Variants in PLCH2 observed in about 807,000 individuals in gnomAD.
PLCH2 encodes the protein phospholipase C eta 2.
In PLCH2, 98 loss-of-function variants were observed where a neutral mutation model predicts 134.7. The observed-to-expected ratio is 0.73, with a 90% confidence interval of 0.62 to 0.86. The LOEUF is 0.86. Ranked by LOEUF, PLCH2 falls within the 40% of genes least tolerant of loss-of-function variation. PLCH2 has a pLI of 0.00. For missense variants in PLCH2, 1,994 were observed against 1,986.6 expected, an observed-to-expected ratio of 1.00 and a Z score of -0.07; for synonymous variants, 974 against 827.5, an observed-to-expected ratio of 1.18 and a Z score of -3.04.
chr1:2,467,442 GC>G (rs1641110857), upstream of PLCH2: 1 of 389,842 alleles, frequency 2.6e-6, no homozygotes, highest in African/African-American at 2.1e-5. Context: ...CCTTCCCCTC[GC>G]CTTCCTCACC....
In PLCH2 at chr1:2,439,874, G is replaced by T. The variant is rs1214827389; in HGVS notation, c.115+9245G>T. ...GCAGCGGGCACGCGGCTCCCTGCCTGCAGGGACCTCATGATCTTAATGTGA... is the reference window on the plus strand; with the variant it reads ...GCAGCGGGCACGCGGCTCCCTGCCTTCAGGGACCTCATGATCTTAATGTGA... On this transcript the variant is annotated intron_variant, in intron 2 of 3. Coordinates refer to the PLCH2 transcript ENST00000609981. The surrounding 1 kb of genome is among the most constrained non-coding windows in gnomAD (Gnocchi z 4.7). Among the ~76,000 whole-genome samples, 1 of 152,128 alleles carries T rather than the reference G, an allele frequency of 6.6e-6. No individual in the cohort carries two copies. The highest frequency in any genetic ancestry group is 1.5e-5 in the Non-Finnish European group (1 of 68,018).
chr1:2,476,199 G>A (rs1641607480), upstream of PLCH2: 1 of 172,574 alleles, frequency 5.8e-6, no homozygotes. Flanking sequence ...CCCATCCCCA[G>A]CTGGGAGTTC....
chr1:2,496,336 CCCA>C (rs1372155026), intron 13 of PLCH2, among the ~76,000 whole-genome samples: 1 of 152,214 alleles, frequency 6.6e-6, no homozygotes, highest in Non-Finnish European at 1.5e-5. Flanking sequence ...TCCAGAAGCC[CCCA>C]CACCTGCCAC....
At chr1:2,472,764 C>T (rs1163000138), upstream of PLCH2, among the ~76,000 whole-genome samples, 2 of 152,136 alleles carry the variant, frequency 1.3e-5, no homozygotes, top group Non-Finnish European at 2.9e-5. Flanking sequence ...CAGCCAGGGC[C>T]ACCTCTGGAC....
intron 1 of PLCH2, among the ~76,000 whole-genome samples, chr1:2,471,116 T>C (rs1570373853): frequency 6.6e-6 from 1 of 152,070 alleles, no homozygotes; most frequent in Non-Finnish European, 1.5e-5. Context: ...CTGATGGGGC[T>C]GTCAAGTGCG....
chr1:2,432,943 T>G (rs1013468132), intron 2 of PLCH2, among the ~76,000 whole-genome samples: 1 of 152,030 alleles, frequency 6.6e-6, no homozygotes, highest in Non-Finnish European at 1.5e-5. Flanking sequence ...ACGGGCTGGG[T>G]GGAAGAACCT....
chr1:2,478,805 C>T (rs565668952), intron 2 of PLCH2, among the ~76,000 whole-genome samples, 183 bp downstream of exon 2: 1 of 152,228 alleles, frequency 6.6e-6, no homozygotes, highest in South Asian at 2.1e-4. Flanking sequence ...GGATCCAGGC[C>T]CCCTGCCCGC....
At chr1:2,430,817 C>T (rs983293677) in intron 2 of PLCH2, among the ~76,000 whole-genome samples, 13 of 152,184 alleles carry the variant, frequency 8.5e-5, no homozygotes, top group African/African-American at 2.4e-4. Flanking sequence ...GGGGCCGCCA[C>T]GTGCAGAGGA....
chr1:2,457,633 C>T (rs1270420460), intron 2 of PLCH2, among the ~76,000 whole-genome samples: 1 of 152,074 alleles, frequency 6.6e-6, no homozygotes, highest in Non-Finnish European at 1.5e-5. Flanking sequence ...CAGCGACCTG[C>T]AGGCAGTCAG....
intron 21 of PLCH2, 53 bp downstream of exon 21, chr1:2,502,462 G>C: frequency 6.7e-7 from 1 of 1,501,044 alleles, no homozygotes; most frequent in Non-Finnish European, 9.0e-7. Context: ...TGCGGCCCCC[G>C]CGTGTCCTGG....
intron 5 of PLCH2, 144 bp downstream of exon 5, chr1:2,484,762 G>A (rs1642201829): frequency 1.2e-6 from 1 of 866,170 alleles, no homozygotes; most frequent in Non-Finnish European, 1.7e-6. Context: ...CTGGGCTCAT[G>A]CCCCTGCTCT....
chr1:2,450,498 T>C (rs1019505668), intron 2 of PLCH2, among the ~76,000 whole-genome samples: 3 of 148,398 alleles, frequency 2.0e-5, no homozygotes, highest in Non-Finnish European at 3.0e-5. Flanking sequence ...CTGCGCCCTA[T>C]ACAGCCTGCC....
intron 20 of PLCH2, chr1:2,499,947 G>A (rs1470295518): frequency 1.7e-5 from 10 of 602,854 alleles, no homozygotes; most frequent in African/African-American, 9.2e-5. Context: ...TGGGCATCTC[G>A]GGCAGGACAG....
rs1303180082 is a variant in PLCH2 at position 2,439,125 on chromosome 1, T to A, written c.115+8496T>A. Among the ~76,000 whole-genome samples the A allele has an allele frequency of 6.6e-6, 1 of 152,216 alleles. No individual in the cohort carries two copies. The highest frequency in any genetic ancestry group is 1.5e-5 in the Non-Finnish European group (1 of 68,026). ...AACTGTTTCAAGGCAGGATACCATG[T>A]CTCTGGGGACCCTGGGCAGGTGCCT... On this transcript the variant is annotated intron_variant, in intron 2 of 3. Transcript: ENST00000609981. This position sits in a 1 kb window ranked among gnomAD's most constrained non-coding sequence, Gnocchi z 4.7.
rs774323620 is a variant in PLCH2 at position 2,504,238 on chromosome 1, A to G, written c.3276A>G (p.Arg1092=). 15 of 1,580,734 alleles carry G rather than the reference A, an allele frequency of 9.5e-6. No homozygotes were observed. The highest frequency in any genetic ancestry group is 1.8e-5 in the Admixed American group (1 of 54,840). ...PRTLGHLPVI[R]RVKSEGQVPT... ...CCCTGGGCCACCTGCCCGTGATTAG[A>G]AGGGTGAAGAGTGAGGGGCAGGTGC... Residue 1092 remains arginine, a synonymous_variant, in exon 22 of 22, where the codon AGA becomes AGG. Coordinates refer to ENST00000378486, the MANE Select transcript of PLCH2 (RefSeq NM_014638.4).
intron 4 of PLCH2, among the ~76,000 whole-genome samples, chr1:2,480,679 A>AG (rs1196736324): frequency 1.3e-5 from 2 of 152,158 alleles, no homozygotes; most frequent in African/African-American, 4.8e-5. Flanking sequence ...CGCAGCCTCG[A>AG]GGGGGGTACA....
intron 2 of PLCH2, among the ~76,000 whole-genome samples, chr1:2,461,531 C>T (rs560201926): frequency 1.1e-4 from 16 of 152,146 alleles, no homozygotes; most frequent in Non-Finnish European, 1.0e-4. Context: ...CCCGAAGCTC[C>T]GGTCCCTGTG....
chr1:2,424,400 A>G (rs57941503), upstream of PLCH2, among the ~76,000 whole-genome samples: 18,151 of 152,184 alleles, frequency 0.12, 1,212 homozygotes, highest in Middle Eastern at 0.19. Flanking sequence ...GCCTCTAGGG[A>G]CCAGCTTTCT....
intron 2 of PLCH2, among the ~76,000 whole-genome samples, chr1:2,443,600 C>CGCCGTGCGCCCG (rs1553240689): frequency 2.0e-5 from 3 of 151,142 alleles, no homozygotes; most frequent in African/African-American, 2.4e-5. Context: ...CGGCTAGCCC[C>CGCCGTGCGCCCG]GCGCCCCACC....
Sources: gnomAD v4.1 joint callset for allele counts (sites outside exome capture counted in the v4.1 genomes callset) on GRCh38, gnomAD v4.1.1 for gene constraint, Gnocchi (gnomAD v3.1) non-coding constraint, MANE v1.5 for transcripts, NCBI Gene and HGNC (gene_info 2026-07-23, HGNC 2026-07-21) for gene names.